SVOP: variants seen among roughly 807,000 people sequenced by gnomAD.
SVOP encodes synaptic vesicle 2-related protein.
A neutral mutation model predicts 69.1 loss-of-function variants in SVOP; 17 were observed. That is an observed-to-expected ratio of 0.25 (90% CI 0.17 to 0.37). The LOEUF (loss-of-function observed/expected upper bound fraction) is 0.37, where lower values mean the gene tolerates loss of function less well. SVOP is among the 10% of genes least tolerant of loss of function. The pLI is 1.00. For missense variants in SVOP, 435 were observed against 597.5 expected, an observed-to-expected ratio of 0.73 and a Z score of 2.84; for synonymous variants, 238 against 238.6, an observed-to-expected ratio of 1.00 and a Z score of 0.02.
intron 6 of SVOP, among the ~76,000 whole-genome samples, chr12:108,958,114 A>G (rs2039995842): frequency 6.6e-6 from 1 of 152,184 alleles, no homozygotes; most frequent in Admixed American, 6.5e-5. Flanking sequence ...ATTGAAGAGT[A>G]CTGCTTCGTG....
In SVOP at chr12:108,912,543, G is replaced by T. The variant is rs745588209; in HGVS notation, c.1639C>A (p.Gln547Lys). The change falls in exon 16 of 16, where the codon CAG becomes AAG. Residue 547 changes from glutamine to lysine, a missense_variant. Gln to Lys is a moderately conservative substitution (Grantham distance 53, BLOSUM62 1). Coordinates refer to ENST00000610966, the MANE Select transcript of SVOP (RefSeq NM_018711.5). ...AGVTRSNSGS[Q>K]E The stretch of plus-strand genomic sequence containing the variant: ...CAGTCCCCCATCGGTCACTATTCCT[G>T]AGAGCCAGAGTTCGACCTGGTAACA... 6.2e-7 allele frequency: 1 copy of T among 1,613,634 alleles called. No homozygotes were observed. Among genetic ancestry groups the T allele is most frequent in the Non-Finnish European group, 8.5e-7 (1 of 1,179,734 alleles).
At chr12:109,001,290 T>C (rs2040267865) in intron 1 of SVOP, among the ~76,000 whole-genome samples, 2 of 131,826 alleles carry the variant, frequency 1.5e-5, no homozygotes, top group Non-Finnish European at 3.2e-5. Flanking sequence ...TACAAACCAC[T>C]GCTCAAGGAA....
chr12:108,993,394 G>GAAAA (rs2040214174), intron 1 of SVOP, among the ~76,000 whole-genome samples: 1 of 126,372 alleles, frequency 7.9e-6, no homozygotes, highest in East Asian at 2.4e-4. Context: ...AAAAAAAAAA[G>GAAAA]AAAAGAAAAT....
At chr12:108,954,117 A>AG (rs2039972914) in intron 6 of SVOP, among the ~76,000 whole-genome samples, 1 of 149,058 alleles carries the variant, frequency 6.7e-6, no homozygotes, top group Non-Finnish European at 1.5e-5. Context: ...CTGTCTCAAA[A>AG]AAAAAAAAAA....
At chr12:108,922,667 T>C in intron 12 of SVOP, 23 bp downstream of exon 12, 1 of 1,560,568 alleles carries the variant, frequency 6.4e-7, no homozygotes, top group Non-Finnish European at 8.8e-7. Context: ...CTGACACAGC[T>C]TCACCTTGCA....
intron 1 of SVOP, among the ~76,000 whole-genome samples, chr12:109,014,509 C>T (rs1021462963): frequency 2.6e-5 from 4 of 152,076 alleles, no homozygotes; most frequent in Non-Finnish European, 4.4e-5. Flanking sequence ...CATAGAAGTA[C>T]GAATATCTCT....
intron 1 of SVOP, among the ~76,000 whole-genome samples, chr12:108,986,092 G>A (rs976766985): frequency 6.6e-6 from 1 of 152,216 alleles, no homozygotes; most frequent in African/African-American, 2.4e-5. Flanking sequence ...GGGGTTTGAA[G>A]CTTGGTGCTA....
intron 15 of SVOP, among the ~76,000 whole-genome samples, chr12:108,914,077 C>T (rs10746134): frequency 0.76 from 115,892 of 152,212 alleles, 44,642 homozygotes; most frequent in East Asian, 1. Context: ...TGCCACACAA[C>T]GGCTAAAATC....
intron 1 of SVOP, among the ~76,000 whole-genome samples, chr12:109,002,122 AC>A (rs1201287915): frequency 2.1e-4 from 28 of 130,608 alleles, no homozygotes; most frequent in Admixed American, 9.3e-4. Context: ...AGAAAAAAAA[AC>A]AACCCCATCA....
intron 5 of SVOP, among the ~76,000 whole-genome samples, chr12:108,961,394 C>A (rs2137422862): frequency 6.6e-6 from 1 of 151,066 alleles, no homozygotes; most frequent in Admixed American, 6.6e-5. Flanking sequence ...TGATCTGCAC[C>A]TAGACTTTTT....
intron 1 of SVOP, among the ~76,000 whole-genome samples, chr12:108,997,593 C>T (rs995694212): frequency 2.0e-5 from 3 of 152,024 alleles, no homozygotes; most frequent in African/African-American, 7.2e-5. Context: ...AGCGGTTCTC[C>T]CAGCACGCAG....
intron 10 of SVOP, among the ~76,000 whole-genome samples, chr12:108,936,015 A>G (rs1335162105): frequency 1.1e-5 from 1 of 92,952 alleles, no homozygotes; most frequent in African/African-American, 5.5e-5. Context: ...ACACTGACAT[A>G]GTATAAATAC....
chr12:108,943,764 T>C (rs1401575487), intron 7 of SVOP, among the ~76,000 whole-genome samples: 1 of 152,006 alleles, frequency 6.6e-6, no homozygotes, highest in African/African-American at 2.4e-5. Context: ...CTGGTCTAGA[T>C]ACATTTCCTT....
intron 5 of SVOP, among the ~76,000 whole-genome samples, chr12:108,962,374 C>T (rs2040022744): frequency 6.6e-6 from 1 of 152,222 alleles, no homozygotes; most frequent in Non-Finnish European, 1.5e-5. Context: ...GCTGAGATTA[C>T]AGGTGTGAGC....
In SVOP at chr12:108,934,106, G is replaced by T. The variant is rs557869157; in HGVS notation, c.1048+89C>A. 9.8e-5 allele frequency: 115 copies of T among 1,175,138 alleles called. No homozygotes were observed. The East Asian group carries it at 2.8e-3, about 29-fold the overall frequency. The allele number at this position is 1,175,138 out of a possible 1,614,324, so 72.8% of individuals were successfully genotyped here. The stretch of plus-strand genomic sequence containing the variant: ...GTAGTACAAGGCCAATCCCTTAAGG[G>T]CAGAGCCTGGGGTGGGAGTGTGTGC... On this transcript the variant is annotated intron_variant, in intron 11 of 15. Transcript: ENST00000610966.
chr12:108,971,176 C>T (rs1220309108), intron 5 of SVOP, among the ~76,000 whole-genome samples: 4 of 152,118 alleles, frequency 2.6e-5, no homozygotes, highest in Non-Finnish European at 5.9e-5. Context: ...TGCCTGTAAT[C>T]TCAGCACTTT....
intron 7 of SVOP, among the ~76,000 whole-genome samples, chr12:108,943,599 CAAA>C (rs375255134): frequency 1.4e-4 from 19 of 135,986 alleles, no homozygotes; most frequent in Admixed American, 2.9e-4. Flanking sequence ...CTCTGTCTCA[CAAA>C]AAAAAAAAAA....
intron 1 of SVOP, among the ~76,000 whole-genome samples, chr12:108,991,469 G>C (rs1240113566): frequency 1.3e-5 from 2 of 148,818 alleles, no homozygotes; most frequent in Non-Finnish European, 3.0e-5. Flanking sequence ...TTGTTTGTTT[G>C]TTTTGAGACA....
intron 6 of SVOP, among the ~76,000 whole-genome samples, chr12:108,951,560 T>C (rs367736209): frequency 2.0e-5 from 3 of 152,328 alleles, no homozygotes; most frequent in South Asian, 2.1e-4. Context: ...AGAGAAAGTG[T>C]AATTAATCTG....
Sources: gnomAD v4.1 joint callset for allele counts (sites outside exome capture counted in the v4.1 genomes callset) on GRCh38, gnomAD v4.1.1 for gene constraint, MANE v1.5 for transcripts, NCBI Gene and HGNC (gene_info 2026-07-23, HGNC 2026-07-21) for gene names.